SHANK2: variants seen among roughly 807,000 people sequenced by gnomAD.
The protein encoded by SHANK2 is SH3 and multiple ankyrin repeat domains protein 2.
A neutral mutation model predicts 133.7 loss-of-function variants in SHANK2; 43 were observed. The observed-to-expected ratio is 0.32, with a 90% CI of 0.25 to 0.41. The LOEUF (loss-of-function observed/expected upper bound fraction) is 0.41, where lower values mean the gene tolerates loss of function less well. Among genes scored for constraint, SHANK2 ranks in the 10% least tolerant of loss-of-function variants. The pLI, the probability that SHANK2 is intolerant of heterozygous loss-of-function variation, is 1.00. For synonymous variants in SHANK2, 1,017 were observed against 952.8 expected, an observed-to-expected ratio of 1.07 and a Z score of -1.24; for missense variants, 1,994 against 2,235.8, an observed-to-expected ratio of 0.89 and a Z score of 2.18.
chr11:70,608,996 T>C (rs543055722), intron 17 of SHANK2, among the ~76,000 whole-genome samples: 1 of 152,322 alleles, frequency 6.6e-6, no homozygotes, highest in South Asian at 2.1e-4. Flanking sequence ...CCATGGTCAG[T>C]GGGACTCAAT....
At chr11:70,927,540 C>G (rs1555081808) in intron 10 of SHANK2, among the ~76,000 whole-genome samples, 1 of 151,980 alleles carries the variant, frequency 6.6e-6, no homozygotes, top group Admixed American at 6.6e-5. Flanking sequence ...GCCATCTCCA[C>G]AAGCAGTGAG....
At chr11:71,086,603 T>C (rs1951423608) in intron 8 of SHANK2, among the ~76,000 whole-genome samples, 1 of 149,318 alleles carries the variant, frequency 6.7e-6, no homozygotes, top group Non-Finnish European at 1.5e-5. Context: ...TTCTCCATAA[T>C]ATTGAGTGGG....
intron 1 of SHANK2, among the ~76,000 whole-genome samples, chr11:71,246,427 T>C (rs548600662): frequency 3.7e-4 from 56 of 152,260 alleles, no homozygotes; most frequent in African/African-American, 1.2e-3. Flanking sequence ...CAGCAAAGCC[T>C]GGCAGTATGC....
At chr11:71,218,052 G>T (rs185720143) in intron 2 of SHANK2, among the ~76,000 whole-genome samples, 1 of 151,896 alleles carries the variant, frequency 6.6e-6, no homozygotes, top group East Asian at 1.9e-4. Flanking sequence ...GGGTTTCACC[G>T]TGTTAGCCAG....
At chr11:70,672,793 CCA>C (rs1565231369) in intron 15 of SHANK2, among the ~76,000 whole-genome samples, 8 of 152,372 alleles carry the variant, frequency 5.3e-5, no homozygotes, top group Non-Finnish European at 1.5e-5. Flanking sequence ...GTTCTGCCCA[CCA>C]CACTCTGCAG....
intron 17 of SHANK2, among the ~76,000 whole-genome samples, chr11:70,532,277 C>T (rs2059483602): frequency 6.6e-6 from 1 of 152,092 alleles, no homozygotes; most frequent in South Asian, 2.1e-4. Context: ...GCAGGACTGC[C>T]CTGGACAACT....
chr11:70,533,174 T>C (rs1445164319), intron 17 of SHANK2, among the ~76,000 whole-genome samples: 1 of 152,200 alleles, frequency 6.6e-6, no homozygotes, highest in Non-Finnish European at 1.5e-5. Flanking sequence ...AAGGTGATGG[T>C]TGCACACCCT....
chr11:71,171,113 G>T (rs1555112089), intron 2 of SHANK2, among the ~76,000 whole-genome samples: 1 of 152,202 alleles, frequency 6.6e-6, no homozygotes, highest in Non-Finnish European at 1.5e-5. Context: ...GACAGAGTGA[G>T]ACTTCTGTTT....
At chr11:70,764,933 G>C (rs1024866429) in intron 14 of SHANK2, among the ~76,000 whole-genome samples, 1 of 152,234 alleles carries the variant, frequency 6.6e-6, no homozygotes, top group African/African-American at 2.4e-5. Flanking sequence ...GAATCAGAGA[G>C]GGTGTTACAT....
intron 10 of SHANK2, among the ~76,000 whole-genome samples, chr11:70,909,427 A>C (rs1160260929): frequency 6.6e-6 from 1 of 152,142 alleles, no homozygotes; most frequent in Non-Finnish European, 1.5e-5. Flanking sequence ...AATGATGAGG[A>C]GAGTGATCAA....
intron 4 of SHANK2, among the ~76,000 whole-genome samples, chr11:71,117,610 A>G (rs1555100606): frequency 6.6e-6 from 1 of 152,088 alleles, no homozygotes; most frequent in Admixed American, 6.5e-5. Flanking sequence ...ATTTCATCCT[A>G]TGTAATGCCT....
At chr11:71,058,155 G>A (rs1477588346) in intron 9 of SHANK2, among the ~76,000 whole-genome samples, 2 of 151,824 alleles carry the variant, frequency 1.3e-5, no homozygotes, top group Admixed American at 6.6e-5. Context: ...TCAGCCTCCC[G>A]AAGTGCTGGG....
At chr11:70,730,406 C>T (rs1179227040) in intron 14 of SHANK2, among the ~76,000 whole-genome samples, 1 of 152,124 alleles carries the variant, frequency 6.6e-6, no homozygotes, top group Non-Finnish European at 1.5e-5. Context: ...CAAATAGATG[C>T]CCAGGACTCA....
intron 6 of SHANK2, among the ~76,000 whole-genome samples, chr11:71,106,634 C>G (rs1422311742): frequency 6.6e-6 from 1 of 152,220 alleles, no homozygotes; most frequent in African/African-American, 2.4e-5. Flanking sequence ...GGACCTTCTG[C>G]TTTGGTACCG....
chr11:70,689,119 A>C (rs1468078853), intron 15 of SHANK2, among the ~76,000 whole-genome samples: 1 of 152,226 alleles, frequency 6.6e-6, no homozygotes, highest in Non-Finnish European at 1.5e-5. Context: ...GTTTGTTCAC[A>C]AAGAGATCCG....
chr11:71,142,142 T>C (rs1370564334), intron 3 of SHANK2, among the ~76,000 whole-genome samples: 1 of 151,996 alleles, frequency 6.6e-6, no homozygotes, highest in Non-Finnish European at 1.5e-5. Flanking sequence ...ATGACTACAG[T>C]AAATTAGAAA....
intron 11 of SHANK2, among the ~76,000 whole-genome samples, chr11:70,875,725 C>G (rs1475663977): frequency 6.6e-6 from 1 of 151,954 alleles, no homozygotes; most frequent in Non-Finnish European, 1.5e-5. Context: ...TGTGGTGACG[C>G]ATACCTGTGG....
At chr11:71,194,285 G>C (rs1314488431) in intron 2 of SHANK2, among the ~76,000 whole-genome samples, 1 of 152,180 alleles carries the variant, frequency 6.6e-6, no homozygotes, top group Non-Finnish European at 1.5e-5. Flanking sequence ...TAAGCAGTGG[G>C]TGCCCGATGG....
chr11:71,234,362 A>AAAAT (rs60796828), intron 1 of SHANK2, among the ~76,000 whole-genome samples: 22,873 of 140,966 alleles, frequency 0.16, 1,993 homozygotes, highest in African/African-American at 0.21. Flanking sequence ...ACTCATCTCA[A>AAAAT]AAATAAATAA....
Sources: gnomAD v4.1 joint callset for allele counts (sites outside exome capture counted in the v4.1 genomes callset) on GRCh38, gnomAD v4.1.1 for gene constraint, MANE v1.5 for transcripts, NCBI Gene and HGNC (gene_info 2026-07-23, HGNC 2026-07-21) for gene names.